DMD: variants seen among roughly 807,000 people sequenced by gnomAD.
DMD encodes mutant dystrophin.
Under a neutral mutation model 330.1 loss-of-function variants are expected in DMD, and 63 were observed. That is an observed-to-expected ratio of 0.19 (90% CI 0.16 to 0.24). The LOEUF (loss-of-function observed/expected upper bound fraction) is 0.24. DMD is among the 10% of genes least tolerant of loss of function. DMD has a pLI of 1.00. For missense variants in DMD, 3,344 were observed against 2,684.1 expected (o/e 1.25, Z -5.43); for synonymous variants, 1,223 against 959.8 (o/e 1.27, Z -5.07).
intron 7 of DMD, among the ~76,000 whole-genome samples, chrX:32,725,179 G>C (rs955725023): frequency 9.0e-6 from 1 of 111,116 alleles, no homozygotes; most frequent in African/African-American, 3.3e-5. Context: ...TTCTGGTAAA[G>C]ACTCTAATAT....
At chrX:31,600,834 G>A (rs1445474533) in intron 55 of DMD, among the ~76,000 whole-genome samples, 4 of 102,916 alleles carry the variant, frequency 3.9e-5, no homozygotes, top group Non-Finnish European at 7.9e-5. Context: ...TCTGGGCTCT[G>A]AGAAACCTCT....
intron 50 of DMD, among the ~76,000 whole-genome samples, chrX:31,807,181 G>A (rs2092318434): frequency 9.0e-6 from 1 of 111,539 alleles, no homozygotes; most frequent in Admixed American, 9.6e-5. Flanking sequence ...TAGGCAATTG[G>A]GTCCACTTAT....
intron 55 of DMD, among the ~76,000 whole-genome samples, chrX:31,611,880 T>C: frequency 9.0e-6 from 1 of 111,485 alleles, no homozygotes; most frequent in Non-Finnish European, 1.9e-5. Context: ...TTAAATTTTT[T>C]TTATGGGTAC....
chrX:31,584,759 C>T (rs1453504622), intron 55 of DMD, among the ~76,000 whole-genome samples: 1 of 110,892 alleles, frequency 9.0e-6, no homozygotes, highest in Non-Finnish European at 1.9e-5. Flanking sequence ...GAAGGAGCAG[C>T]ACCGGTAAGC....
At chrX:32,518,635 C>T (rs2046103191) in intron 17 of DMD, among the ~76,000 whole-genome samples, 1 of 110,863 alleles carries the variant, frequency 9.0e-6, no homozygotes, top group East Asian at 2.9e-4. Context: ...GCTTGCATGT[C>T]AGAGCTTGAC....
chrX:32,601,663 G>C (rs867903787), intron 12 of DMD, among the ~76,000 whole-genome samples: 1 of 73,819 alleles, frequency 1.4e-5, no homozygotes, highest in Non-Finnish European at 2.9e-5. Flanking sequence ...CAAAAGTGTA[G>C]CATCTGAAAT....
At chrX:33,166,777 A>ATT (rs1321977720) in intron 1 of DMD, among the ~76,000 whole-genome samples, 6 of 108,239 alleles carry the variant, frequency 5.5e-5, no homozygotes, top group African/African-American at 1.7e-4. Flanking sequence ...ATATATATAT[A>ATT]TATTTTTTTT....
intron 44 of DMD, among the ~76,000 whole-genome samples, chrX:32,160,536 G>C (rs1055392056): frequency 6.4e-5 from 7 of 109,939 alleles, no homozygotes; most frequent in African/African-American, 2.3e-4. Context: ...TGCCCCACCT[G>C]CTTGCAAACT....
At chrX:32,085,567 CAT>C (rs201148635) in intron 44 of DMD, among the ~76,000 whole-genome samples, 2 of 88,147 alleles carry the variant, frequency 2.3e-5, no homozygotes, top group Admixed American at 1.2e-4. Context: ...TGAGTTGTTT[CAT>C]ATATATATAT....
At chrX:32,488,489 T>C (rs2042690380) in intron 20 of DMD, among the ~76,000 whole-genome samples, 1 of 111,825 alleles carries the variant, frequency 8.9e-6, no homozygotes, top group Admixed American at 9.5e-5. Flanking sequence ...AAACATGTTA[T>C]AATTTATTTA....
chrX:31,314,742 CAGAGAGAGAGAGAGAGAG>C (rs199994602), intron 62 of DMD, among the ~76,000 whole-genome samples: 1 of 55,283 alleles, frequency 1.8e-5, no homozygotes, highest in African/African-American at 8.5e-5. Flanking sequence ...AATACATACA[CAGAGAGAGAGAGAGAGAG>C]AGAGAGAGAG....
intron 49 of DMD, among the ~76,000 whole-genome samples, chrX:31,821,609 G>T (rs1184685501): frequency 2.7e-5 from 3 of 111,948 alleles, no homozygotes; most frequent in African/African-American, 9.7e-5. Context: ...ACGCTGGGTT[G>T]TCATGTGAGC....
intron 2 of DMD, among the ~76,000 whole-genome samples, chrX:32,968,916 C>G (rs1344533104): frequency 2.0e-5 from 2 of 102,469 alleles, no homozygotes; most frequent in Non-Finnish European, 3.9e-5. Flanking sequence ...ATAATCCCAG[C>G]TACTTGGGAG....
intron 48 of DMD, among the ~76,000 whole-genome samples, chrX:31,839,454 G>A (rs2093271638): frequency 8.9e-6 from 1 of 111,911 alleles, no homozygotes; most frequent in Non-Finnish European, 1.9e-5. Context: ...CACGCAGACA[G>A]TCGAAAGGTT....
Position 32,849,450 on chromosome X carries a change from T to TA in DMD, c.186+277dup, listed in dbSNP as rs773429058. Among the ~76,000 whole-genome samples the TA allele has an allele frequency of 3.6e-5, 4 of 112,256 alleles. No homozygotes were observed. In the East Asian group the frequency reaches 1.1e-3, roughly 31 times the overall value. On this transcript the variant is annotated intron_variant, in intron 3 of 78. Coordinates refer to ENST00000357033, the MANE Select transcript of DMD (RefSeq NM_004006.3). ...AGATAATTTCTCAAGTCATTATGTA[T>TA]AAAAGCCTTCATTAAGATATTTGAT...
chrX:32,421,651 A>G (rs2098190308), intron 29 of DMD, among the ~76,000 whole-genome samples: 1 of 111,652 alleles, frequency 9.0e-6, no homozygotes, highest in Non-Finnish European at 1.9e-5. Context: ...ATAGAAATAA[A>G]CTGGTTCCAA....
In DMD at chrX:32,634,860, G is replaced by T. The variant is rs773336605; in HGVS notation, c.1331+9272C>A. Among the ~76,000 whole-genome samples, 3 of 112,077 alleles carry T rather than the reference G, an allele frequency of 2.7e-5. No individual in the cohort carries two copies. In the South Asian group the frequency reaches 1.1e-3, roughly 42 times the overall value. On this transcript the variant is annotated intron_variant, in intron 11 of 78. Transcript: ENST00000357033. ...AGCTGCCCCAGCGGATGTCTCACTAGGTTGTATGTATCCCAAGTCCACTGA... is the reference window on the plus strand; with the variant it reads ...AGCTGCCCCAGCGGATGTCTCACTATGTTGTATGTATCCCAAGTCCACTGA...
chrX:33,339,239 A>C, intron 1 of DMD: 1 of 1,026,675 alleles, frequency 9.7e-7, no homozygotes, highest in Non-Finnish European at 1.3e-6. Context: ...GTAATGATGT[A>C]ATAGCTTTAA....
chrX:33,199,561 AC>A (rs1231349581), intron 1 of DMD, among the ~76,000 whole-genome samples: 1 of 111,572 alleles, frequency 9.0e-6, no homozygotes, highest in African/African-American at 3.3e-5. Flanking sequence ...AGTTGAAATC[AC>A]AGTTCTGGAA....
Sources: allele counts gnomAD v4.1 joint callset (sites outside exome capture counted in the v4.1 genomes callset), GRCh38; gene constraint gnomAD v4.1.1; transcripts MANE v1.5; gene names NCBI Gene and HGNC (gene_info 2026-07-23, HGNC 2026-07-21).